Variants in CAPN13 observed in about 807,000 individuals in gnomAD.
CAPN13 encodes the protein calpain-13.
CAPN13 carries 90 observed loss-of-function variants against 98.4 expected under a neutral mutation model. The observed-to-expected ratio is 0.92, with a 90% confidence interval of 0.77 to 1.09. CAPN13 has a LOEUF of 1.09. CAPN13 is among the 50% of genes least tolerant of loss of function. The pLI is 0.00. For synonymous variants in CAPN13, 330 were observed against 305.5 expected (o/e 1.08, Z -0.84); for missense variants, 887 against 841.3 (o/e 1.05, Z -0.67).
intron 18 of CAPN13, among the ~76,000 whole-genome samples, chr2:30,735,361 C>T (rs1671306204): frequency 6.6e-6 from 1 of 152,202 alleles, no homozygotes; most frequent in African/African-American, 2.4e-5. Context: ...GCAAAGTACC[C>T]ACACACAGGC....
chr2:30,796,766 G>A lies in CAPN13; in HGVS notation c.-32-9409C>T, dbSNP rs78668866. On this transcript the variant is annotated intron_variant, in intron 1 of 22. Transcript: ENST00000295055. ...ATTTCATTTTGAAAATATTTTGTAC[G>A]CCTCACTTGACTTCCTATTTAAAAT... Among the ~76,000 whole-genome samples, 1,071 of 152,216 alleles carry A rather than the reference G, an allele frequency of 7.0e-3. 14 individuals are homozygous for A. Among genetic ancestry groups the A allele is most frequent in the African/African-American group, 0.023 (973 of 41,510 alleles).
intron 20 of CAPN13, 75 bp downstream of exon 20, chr2:30,732,363 T>C: frequency 6.3e-7 from 1 of 1,580,390 alleles, no homozygotes; most frequent in Non-Finnish European, 8.6e-7. Flanking sequence ...TGGGGTGGGG[T>C]AGGGGGTGTC....
intron 22 of CAPN13, chr2:30,729,398 G>A (rs1357517302): frequency 1.3e-5 from 2 of 152,222 alleles, no homozygotes; most frequent in African/African-American, 4.8e-5. Flanking sequence ...GGAAACATTA[G>A]TTAAGAGGGA....
rs746682809 is a variant in CAPN13, at chr2:30,758,119, A to C, written c.793T>G (p.Trp265Gly). 13 of 1,605,854 alleles carry C rather than the reference A, an allele frequency of 8.1e-6. No individual in the cohort carries two copies. The highest frequency in any genetic ancestry group is 4.5e-5 in the South Asian group (4 of 88,802). ...TTCCACAGGGAGATAATTTCTTCCCAGCCCCTTCGGTATTGAATCTGTAAA... is the reference window on the plus strand; with the variant it reads ...TTCCACAGGGAGATAATTTCTTCCCCGCCCCTTCGGTATTGAATCTGTAAA... ...GAEQIQYRRG[W>G]EEIISLWNPW... Residue 265 changes from tryptophan to glycine, a missense_variant, in exon 8 of 23, where the codon TGG (tryptophan) becomes GGG (glycine). Coordinates refer to ENST00000295055, the MANE Select transcript of CAPN13 (RefSeq NM_144575.3).
At chr2:30,802,449 ATG>A (rs894651411) in intron 1 of CAPN13, among the ~76,000 whole-genome samples, 7 of 133,156 alleles carry the variant, frequency 5.3e-5, no homozygotes, top group African/African-American at 2.0e-4. Context: ...GGAGCTTAGA[ATG>A]TGTGTGTGTG....
intron 7 of CAPN13, among the ~76,000 whole-genome samples, chr2:30,758,558 G>T (rs115653502): frequency 1.1e-3 from 167 of 152,342 alleles, no homozygotes; most frequent in Non-Finnish European, 1.7e-3. Context: ...TCTGCCGGCA[G>T]CCCAGTGGGA....
rs775518365 is a variant in CAPN13, at chr2:30,764,241, C to A, written c.590G>T (p.Gly197Val). 1 of 1,613,622 alleles carries A rather than the reference C, an allele frequency of 6.2e-7. No individual in the cohort carries two copies. The highest frequency in any genetic ancestry group is 1.1e-5 in the South Asian group (1 of 90,884). ...CAGATGGATGTTGGTGATCACGCCT[C>A]CTGTGAGGTCCACCAGGGCATCCTC... is the stretch of plus-strand genomic sequence containing the variant. Reference protein sequence around the residue: ...FLEDALVDLTGGVITNIHLHS... With the variant: ...FLEDALVDLTVGVITNIHLHS... Residue 197 changes from glycine to valine, a missense_variant, in exon 6 of 23, where the codon GGA becomes GTA. Transcript: ENST00000295055.
rs189905799 is a variant in CAPN13, at chr2:30,786,288, T to C, written c.198+840A>G. ...GCTTACTAGACATTCTATTATTTTA[T>C]CTCATTCTAGGTTATGCTGGTGCCT... On this transcript the variant is annotated intron_variant, in intron 2 of 22. Coordinates refer to ENST00000295055, the MANE Select transcript of CAPN13 (RefSeq NM_144575.3). Among the ~76,000 whole-genome samples, 5 of 152,354 alleles carry C rather than the reference T, an allele frequency of 3.3e-5. No homozygotes were observed. The East Asian group carries it at 7.7e-4, about 24-fold the overall frequency.
In CAPN13 at chr2:30,732,179, G is replaced by A. The variant is rs143760781; in HGVS notation, c.1927+259C>T. 7.6e-3 allele frequency among the ~76,000 whole-genome samples: 1,153 copies of A among 152,282 alleles called. 8 individuals carry two copies. Among genetic ancestry groups the A allele is most frequent in the Non-Finnish European group, 0.013 (875 of 68,022 alleles). On this transcript the variant is annotated intron_variant, in intron 20 of 22. Coordinates refer to ENST00000295055, the MANE Select transcript of CAPN13 (RefSeq NM_144575.3). ...AACACAACCTGGAGACGGGGACAGC[G>A]TTAACCTTGTTCCTGAGAGAGGGGC... is the stretch of plus-strand genomic sequence containing the variant.
In CAPN13 at chr2:30,757,236, C is replaced by T. The variant is rs376699874; in HGVS notation, c.866+810G>A. Among the ~76,000 whole-genome samples the T allele has an allele frequency of 6.7e-4, 102 of 152,372 alleles. 2 individuals are homozygous for T. In the South Asian group the frequency reaches 0.016, roughly 24 times the overall value. ...GACCAGGCTGAGCCTCACTGGCTGC[C>T]CAGAGGAGCAAGTAACCTGTTGCGG... On this transcript the variant is annotated intron_variant, in intron 8 of 22. Transcript: ENST00000295055.
chr2:30,804,913 C>T (rs529823361), intron 1 of CAPN13, among the ~76,000 whole-genome samples: 25 of 152,318 alleles, frequency 1.6e-4, no homozygotes, highest in African/African-American at 2.6e-4. Context: ...TAGTGCTGTA[C>T]GCAGTGTTCA....
Position 30,777,623 on chromosome 2 carries a change from G to T in CAPN13, c.215C>A (p.Pro72His). 3 of 1,576,734 alleles carry T rather than the reference G, an allele frequency of 1.9e-6. No individual in the cohort carries two copies. The highest frequency in any genetic ancestry group is 1.3e-5 in the African/African-American group (1 of 74,454). ...WKRPQDLPGGPPHFILDDISR... is the reference protein window; with the variant it reads ...WKRPQDLPGGHPHFILDDISR... ...TATATCATCCAGGATGAAGTGAGGA[G>T]GACCCCCTGGTAGATCCTTTAGGAA... Residue 72 changes from proline (P) to histidine (H), a missense_variant, in exon 3 of 23, where the codon CCT (proline) becomes CAT (histidine). By Grantham distance (77) the Pro-to-His change is moderately conservative (BLOSUM62 -2). Transcript: ENST00000295055.
chr2:30,758,826 T>TCCCTTCCG (rs1305520245), intron 7 of CAPN13, among the ~76,000 whole-genome samples: 1 of 98,548 alleles, frequency 1.0e-5, no homozygotes, highest in Non-Finnish European at 1.9e-5. Flanking sequence ...CCTCCCTTCC[T>TCCCTTCCG]TCCTCCCTTC....
At chr2:30,805,201 G>C (rs1675540001) in intron 1 of CAPN13, among the ~76,000 whole-genome samples, 1 of 152,192 alleles carries the variant, frequency 6.6e-6, no homozygotes, top group Non-Finnish European at 1.5e-5. Context: ...AGAGGAGACA[G>C]AGTGAGCCAA....
intron 11 of CAPN13, 40 bp from the exon 12 acceptor site, chr2:30,745,774 A>G (rs1466831281): frequency 1.9e-6 from 3 of 1,585,532 alleles, no homozygotes; most frequent in Non-Finnish European, 2.6e-6. Flanking sequence ...AGGAACTCAG[A>G]CGTAAACAAA....
At chr2:30,790,012 G>T (rs577659600) in intron 1 of CAPN13, among the ~76,000 whole-genome samples, 1 of 152,186 alleles carries the variant, frequency 6.6e-6, no homozygotes, top group Non-Finnish European at 1.5e-5. Flanking sequence ...CTGCTGCGGA[G>T]GTGGGCTGTT....
chr2:30,763,034 TG>T, intron 7 of CAPN13, 47 bp downstream of exon 7: 1 of 1,474,720 alleles, frequency 6.8e-7, no homozygotes. Context: ...ACAAGAACAC[TG>T]GGGCAGAGGC....
At chr2:30,740,542 T>C (rs781508003) in intron 15 of CAPN13, among the ~76,000 whole-genome samples, 1 of 152,228 alleles carries the variant, frequency 6.6e-6, no homozygotes, top group Non-Finnish European at 1.5e-5. Flanking sequence ...TACTGCCAGG[T>C]GGGCCCTGCT....
intron 17 of CAPN13, chr2:30,737,964 AGGACAC>A: frequency 5.1e-6 from 2 of 389,860 alleles, no homozygotes; most frequent in East Asian, 4.3e-5. Context: ...AAGAATTATA[AGGACAC>A]ACACACACAC....
Sources: allele counts gnomAD v4.1 joint callset (sites outside exome capture counted in the v4.1 genomes callset), GRCh38; gene constraint gnomAD v4.1.1; transcripts MANE v1.5; gene names NCBI Gene and HGNC (gene_info 2026-07-23, HGNC 2026-07-21).